PPP1R1C: variants seen among roughly 807,000 people sequenced by gnomAD.
PPP1R1C encodes the protein protein phosphatase 1 regulatory subunit 1C.
In PPP1R1C, 15 loss-of-function variants were observed where a neutral mutation model predicts 17.4. The observed-to-expected ratio is 0.86, with a 90% CI of 0.58 to 1.33. The LOEUF is 1.33. PPP1R1C is among the 40% of genes most tolerant of loss of function. PPP1R1C has a pLI of 0.00. For missense variants in PPP1R1C, 143 were observed against 130.0 expected (o/e 1.10, Z -0.48); for synonymous variants, 35 against 43.1 (o/e 0.81, Z 0.73).
At chr2:182,050,559 C>T (rs1477330340) in intron 2 of PPP1R1C, among the ~76,000 whole-genome samples, 1 of 152,172 alleles carries the variant, frequency 6.6e-6, no homozygotes, top group Non-Finnish European at 1.5e-5. Flanking sequence ...GTCAGGACTA[C>T]CTGCTCAGAT....
chr2:182,127,904 G>A (rs79241425), intron 5 of PPP1R1C, among the ~76,000 whole-genome samples: 6,858 of 152,024 alleles, frequency 0.045, 214 homozygotes, highest in Non-Finnish European at 0.068. Context: ...TTGTCAAGGA[G>A]TTAAAAATAT....
Position 181,985,904 on chromosome 2 carries a change from C to T in PPP1R1C, c.-207C>T, listed in dbSNP as rs1685282799. ...AGGATCCAAGGGATTGGTGGGGGAA[C>T]AGGCAAGCCAGGCATCACCGTGGAT... On this transcript the variant is annotated 5_prime_UTR_variant, in exon 1 of 5. Coordinates refer to ENST00000682840, the MANE Select transcript of PPP1R1C (RefSeq NM_001080545.3). The surrounding 1 kb of genome is among the most constrained non-coding windows in gnomAD (Gnocchi z 4.1). 1.7e-6 allele frequency: 1 copy of T among 598,266 alleles called. No individual in the cohort carries two copies. The highest frequency in any genetic ancestry group is 3.0e-6 in the Non-Finnish European group (1 of 335,966). 37.1% of individuals were successfully genotyped at this position (598,266 alleles called of 1,614,324 possible).
intron 4 of PPP1R1C, among the ~76,000 whole-genome samples, chr2:182,105,415 G>A (rs1017159077): frequency 6.6e-6 from 1 of 152,142 alleles, no homozygotes; most frequent in Admixed American, 6.5e-5. Context: ...TTGGGGTTCA[G>A]GCATTCTGTA....
intron 2 of PPP1R1C, among the ~76,000 whole-genome samples, chr2:182,012,509 A>T (rs1686115248): frequency 6.6e-6 from 1 of 151,816 alleles, no homozygotes; most frequent in Admixed American, 6.6e-5. Flanking sequence ...TTTATAGGTG[A>T]AGTGTGTTTC....
At chr2:182,117,180 A>T in intron 4 of PPP1R1C, 27 bp from the exon 5 acceptor site, 3 of 1,438,858 alleles carry the variant, frequency 2.1e-6, no homozygotes, top group Non-Finnish European at 9.5e-7. Flanking sequence ...AAATCATTTA[A>T]ATTTTGCATA....
intron 2 of PPP1R1C, among the ~76,000 whole-genome samples, chr2:182,028,493 TTC>T (rs1686699078): frequency 6.6e-6 from 1 of 152,220 alleles, no homozygotes; most frequent in Admixed American, 6.5e-5. Context: ...CAGGAGCAGG[TTC>T]TTCAGTTTCC....
intron 2 of PPP1R1C, among the ~76,000 whole-genome samples, chr2:182,004,731 C>A (rs1324611624): frequency 6.6e-6 from 1 of 152,208 alleles, no homozygotes; most frequent in Non-Finnish European, 1.5e-5. Flanking sequence ...GGCTCACCAG[C>A]AGGAGGGCTC....
intron 2 of PPP1R1C, among the ~76,000 whole-genome samples, chr2:182,014,480 C>A (rs1316609300): frequency 6.6e-6 from 1 of 151,982 alleles, no homozygotes; most frequent in Non-Finnish European, 1.5e-5. Flanking sequence ...TGGGACTGCA[C>A]TGGTTCAGAC....
downstream of PPP1R1C, among the ~76,000 whole-genome samples, chr2:182,120,537 C>T (rs1420341326): frequency 1.3e-5 from 2 of 152,170 alleles, no homozygotes; most frequent in Non-Finnish European, 2.9e-5. Context: ...TTCTATACCA[C>T]CTGCTATGAC....
chr2:182,038,995 A>G (rs1687101204), intron 2 of PPP1R1C, among the ~76,000 whole-genome samples: 1 of 152,252 alleles, frequency 6.6e-6, no homozygotes, highest in Non-Finnish European at 1.5e-5. Flanking sequence ...TGTTATTGAA[A>G]GTCTGTTAAG....
At chr2:182,119,130 C>T (rs894732834), downstream of PPP1R1C, among the ~76,000 whole-genome samples, 3 of 151,908 alleles carry the variant, frequency 2.0e-5, no homozygotes, top group African/African-American at 7.3e-5. Flanking sequence ...GTTCAATTCC[C>T]ACCTATGAGT....
At chr2:182,017,148 T>A (rs1290336041) in intron 2 of PPP1R1C, among the ~76,000 whole-genome samples, 1 of 152,160 alleles carries the variant, frequency 6.6e-6, no homozygotes, top group African/African-American at 2.4e-5. Flanking sequence ...ACTATATCTT[T>A]AGTGCATTTA....
intron 2 of PPP1R1C, among the ~76,000 whole-genome samples, chr2:182,048,258 A>T (rs77379763): frequency 2.1e-3 from 318 of 152,276 alleles, no homozygotes; most frequent in African/African-American, 7.4e-3. Context: ...TAACTCTAAG[A>T]ACTCAAAGAA....
At chr2:182,049,526 T>A (rs942347734) in intron 2 of PPP1R1C, among the ~76,000 whole-genome samples, 4 of 151,954 alleles carry the variant, frequency 2.6e-5, no homozygotes, top group African/African-American at 9.7e-5. Flanking sequence ...CTGAATATAA[T>A]CCCTTGGCTG....
intron 1 of PPP1R1C, among the ~76,000 whole-genome samples, chr2:181,960,035 G>A (rs1476784185): frequency 6.6e-6 from 1 of 152,090 alleles, no homozygotes; most frequent in African/African-American, 2.4e-5. Context: ...AACTAAAAGA[G>A]TCTTACAAAA....
intron 2 of PPP1R1C, among the ~76,000 whole-genome samples, chr2:182,025,866 A>C (rs1319404090): frequency 6.9e-6 from 1 of 144,664 alleles, no homozygotes; most frequent in Admixed American, 6.7e-5. Context: ...CCTCTCCAGC[A>C]CCTGTTGTTT....
chr2:182,018,816 TCTGAGGCA>T lies in PPP1R1C; in HGVS notation c.142+30923_142+30930del, dbSNP rs1301808766. Among the ~76,000 whole-genome samples the T allele has an allele frequency of 4.6e-5, 7 of 152,162 alleles. No individual in the cohort carries two copies. The East Asian group carries it at 1.4e-3, about 29-fold the overall frequency. On this transcript the variant is annotated intron_variant, in intron 2 of 4. Coordinates refer to ENST00000682840, the MANE Select transcript of PPP1R1C (RefSeq NM_001080545.3). ...AGCAATCGATTGAAAAAGACTAATT[TCTGAGGCA>T]CTGAGAAAAATGAATCAACTGATGA...
intron 2 of PPP1R1C, among the ~76,000 whole-genome samples, chr2:182,009,706 C>A (rs1035146480): frequency 5.3e-5 from 8 of 152,070 alleles, no homozygotes; most frequent in Admixed American, 3.9e-4. Context: ...TTGCTAAGAC[C>A]AAATCCTGGA....
intron 2 of PPP1R1C, among the ~76,000 whole-genome samples, chr2:182,040,124 G>A (rs1289703678): frequency 6.6e-6 from 1 of 152,086 alleles, no homozygotes; most frequent in Non-Finnish European, 1.5e-5. Context: ...TATGCATGTG[G>A]GTGCTTTTTG....
Sources: gnomAD v4.1 joint callset for allele counts (sites outside exome capture counted in the v4.1 genomes callset) on GRCh38, gnomAD v4.1.1 for gene constraint, Gnocchi (gnomAD v3.1) non-coding constraint, MANE v1.5 for transcripts, NCBI Gene and HGNC (gene_info 2026-07-23, HGNC 2026-07-21) for gene names.